The following TUBA3C variants were observed in gnomAD, a reference collection of about 807,000 sequenced individuals.
The protein encoded by TUBA3C is tubulin alpha 3c, also known as tubulin alpha-3C chain.
Under a neutral mutation model 33.4 loss-of-function variants are expected in TUBA3C, and 23 were observed. The ratio of observed to expected loss-of-function variants is 0.69; its 90% CI spans 0.50 to 0.98. TUBA3C has a LOEUF of 0.98. TUBA3C is among the 50% of genes least tolerant of loss of function. The pLI, the probability that TUBA3C is intolerant of heterozygous loss-of-function variation, is 0.00. For synonymous variants in TUBA3C, 269 were observed against 250.4 expected (o/e 1.07, Z -0.70); for missense variants, 402 against 616.0 (o/e 0.65, Z 3.68).
rs1565971186 is a variant in TUBA3C at position 19,177,166 on chromosome 13, C to T, written c.817G>A (p.Ala273Thr). The change falls in exon 4 of 5, where the codon GCC (alanine) becomes ACC (threonine). Residue 273 changes from alanine to threonine, a missense_variant. Transcript: ENST00000400113. The surrounding 1 kb of genome is among the most constrained non-coding windows in gnomAD (Gnocchi z 5.0). ...GCCTTCTCGGCTGAGATGACCGGGGCGTAGGTGGCCAGGGGGAAGTGGATG... is the reference window on the plus strand; with the variant it reads ...GCCTTCTCGGCTGAGATGACCGGGGTGTAGGTGGCCAGGGGGAAGTGGATG... ...PRIHFPLATY[A>T]PVISAEKAYH... 3 of 1,613,938 alleles carry T rather than the reference C, an allele frequency of 1.9e-6. No individual in the cohort carries two copies. Among genetic ancestry groups the T allele is most frequent in the East Asian group, 2.2e-5 (1 of 44,858 alleles).
chr13:19,178,029 T>C (rs1869263678), intron 3 of TUBA3C, among the ~76,000 whole-genome samples: 1 of 152,094 alleles, frequency 6.6e-6, no homozygotes, highest in Admixed American at 6.5e-5. Flanking sequence ...GTATTTTTAG[T>C]AAAGACAGGG....
At position 19,177,939 on chromosome 13, in the gene TUBA3C, C is replaced by T. The variant is rs547642158; in HGVS notation, c.375+307G>A. 3.3e-5 allele frequency among the ~76,000 whole-genome samples: 5 copies of T among 151,866 alleles called. No individual in the cohort carries two copies. Among genetic ancestry groups the T allele is most frequent in the Middle Eastern group, 3.4e-3 (1 of 292 alleles). ...TCCGCTCAGTGCAACCTCTGCCTCC[C>T]GGGCTCAAGCCATTCTCCTGCCTCA... On this transcript the variant is annotated intron_variant, in intron 3 of 4. Transcript: ENST00000400113. This position sits in a 1 kb window ranked among gnomAD's most constrained non-coding sequence, Gnocchi z 5.0.
rs748717731 is a variant in TUBA3C at position 19,181,790 on chromosome 13, C to A, written c.-43G>T. 8.8e-6 allele frequency: 14 copies of A among 1,597,008 alleles called. No individual in the cohort carries two copies. The highest frequency in any genetic ancestry group is 1.2e-5 in the Non-Finnish European group (14 of 1,176,342). On this transcript the variant is annotated 5_prime_UTR_variant, in exon 1 of 5. The change creates a new upstream start codon in the 5' untranslated region. Coordinates refer to ENST00000400113, the MANE Select transcript of TUBA3C (RefSeq NM_006001.3). ...CCGCAGCCCAACGCTACTACTTGACCTCAACCGCCGCTGCAGCTGCGCACG... is the reference window on the plus strand; with the variant it reads ...CCGCAGCCCAACGCTACTACTTGACATCAACCGCCGCTGCAGCTGCGCACG...
chr13:19,176,967 C>G lies in TUBA3C; in HGVS notation c.1016G>C (p.Arg339Pro), dbSNP rs757902171. Residue 339 changes from arginine to proline, a missense_variant, in exon 4 of 5, where the codon CGC (arginine) becomes CCC (proline). Transcript: ENST00000400113. The part of the protein sequence containing the change: ...NAAIATIKTK[R>P]TIQFVDWCPT... Reference sequence around the variant, plus strand: ...GCACCAATCTACAAACTGGATGGTGCGCTTGGTCTTGATGGTGGCGATGGC... The same window carrying G: ...GCACCAATCTACAAACTGGATGGTGGGCTTGGTCTTGATGGTGGCGATGGC... The G allele has an allele frequency of 3.1e-6, 5 of 1,613,888 alleles. No homozygotes were observed. The highest frequency in any genetic ancestry group is 4.2e-6 in the Non-Finnish European group (5 of 1,179,962).
Position 19,179,405 on chromosome 13 carries a change from A to G in TUBA3C, c.162T>C (p.Ser54=), listed in dbSNP as rs1341818664. Residue 54 remains serine, a synonymous_variant, in exon 2 of 5, where the codon AGT becomes AGC. Coordinates refer to ENST00000400113, the MANE Select transcript of TUBA3C (RefSeq NM_006001.3). ...GCACGTGCTTGCCAGCTCCAGTCTC[A>G]CTGAAGAACGTGTTGAAGGAGTCGT... ...GGDDSFNTFF[S]ETGAGKHVPR... 5 of 1,613,844 alleles carry G rather than the reference A, an allele frequency of 3.1e-6. No individual in the cohort carries two copies. In the Admixed American group the frequency reaches 6.7e-5, roughly 22 times the overall value.
intron 1 of TUBA3C, among the ~76,000 whole-genome samples, chr13:19,180,294 C>T (rs533691466): frequency 1.3e-5 from 2 of 152,186 alleles, no homozygotes; most frequent in Non-Finnish European, 2.9e-5. Context: ...CTCAATTTTT[C>T]GTAAGCACTC....
rs570913906 is a variant in TUBA3C at position 19,177,209 on chromosome 13, G to A, written c.774C>T (p.Asn258=). 6.4e-5 allele frequency: 103 copies of A among 1,614,022 alleles called. No homozygotes were observed. The highest frequency in any genetic ancestry group is 7.8e-5 in the Non-Finnish European group (92 of 1,180,048). Reference sequence around the variant, plus strand: ...AGTGGATGCGGGGGTACGGCACTAGGTTGGTCTGGAATTCCGTCAAGTCCA... The same window carrying A: ...AGTGGATGCGGGGGTACGGCACTAGATTGGTCTGGAATTCCGTCAAGTCCA... ...LNVDLTEFQT[N]LVPYPRIHFP... The change falls in exon 4 of 5, where the codon AAC becomes AAT. Residue 258 remains asparagine (N), a synonymous_variant. Coordinates refer to ENST00000400113, the MANE Select transcript of TUBA3C (RefSeq NM_006001.3). This position sits in a 1 kb window ranked among gnomAD's most constrained non-coding sequence, Gnocchi z 5.0.
chr13:19,181,603 C>T (rs527962646), intron 1 of TUBA3C, 142 bp downstream of exon 1: 319 of 1,224,704 alleles, frequency 2.6e-4, no homozygotes, highest in Non-Finnish European at 3.2e-4. Flanking sequence ...CCTCGTGTCC[C>T]GCCCTGGGCC....
At chr13:19,181,247 C>T (rs36214443) in intron 1 of TUBA3C, among the ~76,000 whole-genome samples, 13,035 of 151,890 alleles carry the variant, frequency 0.086, 724 homozygotes, top group African/African-American at 0.15. Context: ...GAAGGGATTT[C>T]GCCATATTGG....
chr13:19,176,771 A>C (rs1869198788), intron 4 of TUBA3C, among the ~76,000 whole-genome samples, 156 bp downstream of exon 4: 1 of 145,190 alleles, frequency 6.9e-6, no homozygotes. Flanking sequence ...ACATCACTGA[A>C]TTAATGATCA....
At chr13:19,174,973 G>A (rs1869129328) in intron 4 of TUBA3C, among the ~76,000 whole-genome samples, 1 of 152,046 alleles carries the variant, frequency 6.6e-6, no homozygotes, top group African/African-American at 2.4e-5. Flanking sequence ...AAAAGGCCGG[G>A]CACGGTGACC....
At chr13:19,180,741 C>T (rs1005811984) in intron 1 of TUBA3C, among the ~76,000 whole-genome samples, 9 of 152,068 alleles carry the variant, frequency 5.9e-5, no homozygotes, top group African/African-American at 1.9e-4. Context: ...TTGATATGCC[C>T]GCCTTGGCCT....
intron 4 of TUBA3C, among the ~76,000 whole-genome samples, chr13:19,174,534 T>C (rs1869115663): frequency 6.6e-6 from 1 of 152,080 alleles, no homozygotes; most frequent in African/African-American, 2.4e-5. Flanking sequence ...AACTTAGTAA[T>C]TTTATGGGCA....
intron 4 of TUBA3C, among the ~76,000 whole-genome samples, chr13:19,176,282 G>C (rs1346476044): frequency 6.6e-6 from 1 of 152,006 alleles, no homozygotes; most frequent in South Asian, 2.1e-4. Flanking sequence ...TGGGTGTAGT[G>C]GTGCATGTCT....
intron 4 of TUBA3C, among the ~76,000 whole-genome samples, chr13:19,176,200 C>T (rs901151891): frequency 1.3e-5 from 2 of 152,098 alleles, no homozygotes; most frequent in South Asian, 2.1e-4. Context: ...AAGCAGATCA[C>T]TTAAGACCAG....
Position 19,177,419 on chromosome 13 carries a change from G to T in TUBA3C, c.564C>A (p.Ile188=), listed in dbSNP as rs1869234682. 6.2e-7 allele frequency: 1 copy of T among 1,614,130 alleles called. No homozygotes were observed. The highest frequency in any genetic ancestry group is 1.3e-5 in the African/African-American group (1 of 75,036). Residue 188 remains isoleucine, a synonymous_variant, in exon 4 of 5, where the codon ATC becomes ATA. Coordinates refer to ENST00000400113, the MANE Select transcript of TUBA3C (RefSeq NM_006001.3). The surrounding 1 kb of genome is among the most constrained non-coding windows in gnomAD (Gnocchi z 5.0). ...STAVVEPYNS[I]LTTHTTLEHS... ...GTTCCAGGGTCGTGTGGGTGGTCAGGATGGAGTTGTAGGGCTCCACCACGG... is the reference window on the plus strand; with the variant it reads ...GTTCCAGGGTCGTGTGGGTGGTCAGTATGGAGTTGTAGGGCTCCACCACGG...
At chr13:19,180,714 C>CT (rs1293448322) in intron 1 of TUBA3C, among the ~76,000 whole-genome samples, 1 of 152,002 alleles carries the variant, frequency 6.6e-6, no homozygotes, top group Admixed American at 6.5e-5. Flanking sequence ...CCAGGATGGT[C>CT]TCGATCTCCT....
chr13:19,177,674 G>A lies in TUBA3C; in HGVS notation c.376-67C>T. On this transcript the variant is annotated intron_variant, in intron 3 of 4. Transcript: ENST00000400113. The surrounding 1 kb of genome is among the most constrained non-coding windows in gnomAD (Gnocchi z 5.0). ...CACACCACCAACCTCCACCAAGCCA[G>A]GGCCACTTCTCTGCCTCTGAAGACT... The A allele has an allele frequency of 6.6e-7, 1 of 1,515,154 alleles. No homozygotes were observed. The highest frequency in any genetic ancestry group is 2.3e-5 in the East Asian group (1 of 44,046). 93.9% of individuals were successfully genotyped at this position (1,515,154 alleles called of 1,614,324 possible). A position where few individuals can be genotyped will look rare whatever the true frequency, so the allele number is the denominator to read the frequency against.
chr13:19,180,632 G>C (rs1053909888), intron 1 of TUBA3C, among the ~76,000 whole-genome samples: 2 of 152,010 alleles, frequency 1.3e-5, no homozygotes, highest in Non-Finnish European at 2.9e-5. Flanking sequence ...CTCCCACGTA[G>C]CTGGGACTAC....
Sources: allele counts gnomAD v4.1 joint callset (sites outside exome capture counted in the v4.1 genomes callset), GRCh38; gene constraint gnomAD v4.1.1; non-coding constraint Gnocchi (gnomAD v3.1); transcripts MANE v1.5; gene names NCBI Gene and HGNC (gene_info 2026-07-23, HGNC 2026-07-21).